Variants in CAMK2D observed in about 807,000 individuals in gnomAD.
CAMK2D encodes the protein calcium/calmodulin dependent protein kinase II delta.
CAMK2D carries 37 observed loss-of-function variants against 84.0 expected under a neutral mutation model. That is an observed-to-expected ratio of 0.44 (90% confidence interval 0.34 to 0.58). The LOEUF (loss-of-function observed/expected upper bound fraction) is 0.58, where lower values mean the gene tolerates loss of function less well. Among genes scored for constraint, CAMK2D ranks in the 20% least tolerant of loss-of-function variants. The pLI is 0.02. For missense variants in CAMK2D, 448 were observed against 652.5 expected (o/e 0.69, Z 3.41); for synonymous variants, 202 against 212.5 (o/e 0.95, Z 0.43).
At chr4:113,561,242 G>A (rs2098697045) in intron 4 of CAMK2D, among the ~76,000 whole-genome samples, 1 of 152,160 alleles carries the variant, frequency 6.6e-6, no homozygotes, top group Non-Finnish European at 1.5e-5. Flanking sequence ...CATTTTGGGA[G>A]GCCAAGGCAG....
At chr4:113,734,600 G>C (rs1318415002) in intron 2 of CAMK2D, among the ~76,000 whole-genome samples, 1 of 152,174 alleles carries the variant, frequency 6.6e-6, no homozygotes, top group African/African-American at 2.4e-5. Context: ...CAATAAGAGA[G>C]TGGGAGGTCC....
intron 8 of CAMK2D, among the ~76,000 whole-genome samples, chr4:113,526,262 A>C (rs2098416531): frequency 6.6e-6 from 1 of 152,186 alleles, no homozygotes; most frequent in Non-Finnish European, 1.5e-5. Context: ...TACATGCTCC[A>C]ACTGGGGCAA....
chr4:113,697,617 C>A (rs1345222559), intron 2 of CAMK2D, among the ~76,000 whole-genome samples: 1 of 152,062 alleles, frequency 6.6e-6, no homozygotes, highest in East Asian at 1.9e-4. Context: ...CATCTCTCAA[C>A]CCACCAATAA....
chr4:113,523,662 C>A (rs1158269925), intron 8 of CAMK2D, among the ~76,000 whole-genome samples: 4 of 151,912 alleles, frequency 2.6e-5, no homozygotes, highest in African/African-American at 9.7e-5. Context: ...GTCCCCACTA[C>A]AGGGGAGGCT....
intron 13 of CAMK2D, chr4:113,508,258 G>A (rs1487457390): frequency 9.0e-6 from 14 of 1,549,026 alleles, no homozygotes; most frequent in Non-Finnish European, 1.1e-5. Context: ...ACTCGAACTG[G>A]ACTTCCTTTT....
intron 3 of CAMK2D, among the ~76,000 whole-genome samples, chr4:113,611,046 TAACACAC>T (rs918846196): frequency 3.0e-5 from 3 of 98,700 alleles, no homozygotes; most frequent in East Asian, 3.9e-4. Context: ...TATATACACA[TAACACAC>T]ACACACACAC....
intron 2 of CAMK2D, among the ~76,000 whole-genome samples, chr4:113,738,932 T>C (rs943000759): frequency 6.6e-6 from 1 of 152,032 alleles, no homozygotes; most frequent in Non-Finnish European, 1.5e-5. Context: ...AAATAACACA[T>C]CCCAAAAATG....
At chr4:113,617,936 G>GAC (rs1171599461) in intron 3 of CAMK2D, among the ~76,000 whole-genome samples, 1 of 114,742 alleles carries the variant, frequency 8.7e-6, no homozygotes, top group African/African-American at 3.6e-5. Context: ...ACAACACACA[G>GAC]ACACACACAC....
intron 2 of CAMK2D, among the ~76,000 whole-genome samples, chr4:113,692,665 TTCATACATACATAC>T (rs1308515405): frequency 1.5e-4 from 23 of 151,988 alleles, no homozygotes; most frequent in African/African-American, 4.1e-4. Context: ...CATACATATA[TTCATACATACATAC>T]TCATACATAC....
chr4:113,648,949 A>G (rs2099162132), intron 3 of CAMK2D, among the ~76,000 whole-genome samples: 4 of 152,182 alleles, frequency 2.6e-5, no homozygotes, highest in Admixed American at 2.6e-4. Context: ...AAATCAGTGA[A>G]ATTTCTAATT....
At chr4:113,642,877 G>A (rs1222422330) in intron 3 of CAMK2D, among the ~76,000 whole-genome samples, 1 of 152,020 alleles carries the variant, frequency 6.6e-6, no homozygotes, top group Non-Finnish European at 1.5e-5. Context: ...TGCTGCACTG[G>A]AAATTATGGT....
At chr4:113,485,360 T>C (rs2097756188) in intron 16 of CAMK2D, among the ~76,000 whole-genome samples, 1 of 152,226 alleles carries the variant, frequency 6.6e-6, no homozygotes, top group Admixed American at 6.5e-5. Flanking sequence ...TGGCACTCAA[T>C]AGTCCCTCAC....
In CAMK2D at chr4:113,684,076, G is replaced by T. The variant is rs902698548; in HGVS notation, c.161-22304C>A. On this transcript the variant is annotated intron_variant, in intron 2 of 20. Transcript: ENST00000511664. ...TATATAAAAAGTTAGAACAGTGCCT[G>T]GCATATAGGAAGCAAGACAAAACTG... 2.6e-5 allele frequency among the ~76,000 whole-genome samples: 4 copies of T among 152,288 alleles called. No individual in the cohort carries two copies. In the East Asian group the frequency reaches 7.7e-4, roughly 29 times the overall value.
Position 113,601,683 on chromosome 4 carries a change from C to CTTTTTTTTTTTTTTTTTTTTTTTTT in CAMK2D, c.275+7444_275+7468dup, listed in dbSNP as rs755850795. On this transcript the variant is annotated intron_variant, in intron 4 of 20. Transcript: ENST00000511664. ...ATTTTATGTAGATTAACTGTTTATT[C>CTTTTTTTTTTTTTTTTTTTTTTTTT]TTTTTTTTTTTTTTTTTTTTTTTTT... Among the ~76,000 whole-genome samples, 23 of 45,822 alleles carry CTTTTTTTTTTTTTTTTTTTTTTTTT rather than the reference C, an allele frequency of 5.0e-4. 2 individuals carry two copies. Among genetic ancestry groups the CTTTTTTTTTTTTTTTTTTTTTTTTT allele is most frequent in the Non-Finnish European group, 6.3e-4 (16 of 25,526 alleles). The allele number at this position is 45,822 out of a possible 152,430, so 30.1% of individuals were successfully genotyped here.
intron 4 of CAMK2D, among the ~76,000 whole-genome samples, chr4:113,603,286 T>C (rs913793317): frequency 6.6e-6 from 1 of 151,666 alleles, no homozygotes; most frequent in African/African-American, 2.4e-5. Flanking sequence ...TATGTATACA[T>C]GTGCCATGTT....
intron 14 of CAMK2D, among the ~76,000 whole-genome samples, 188 bp downstream of exon 14, chr4:113,504,788 C>G: frequency 9.1e-6 from 1 of 110,256 alleles, no homozygotes; most frequent in Admixed American, 9.6e-5. Context: ...CTAACTTAAC[C>G]AAAAAAAACC....
intron 2 of CAMK2D, among the ~76,000 whole-genome samples, chr4:113,738,878 A>C (rs2148891119): frequency 6.6e-6 from 1 of 152,252 alleles, no homozygotes; most frequent in African/African-American, 2.4e-5. Flanking sequence ...ATATTTACTA[A>C]CTCACTTGGA....
chr4:113,464,468 G>T (rs919999031), intron 17 of CAMK2D, among the ~76,000 whole-genome samples: 1 of 152,100 alleles, frequency 6.6e-6, no homozygotes, highest in Non-Finnish European at 1.5e-5. Flanking sequence ...TCTCATTTAT[G>T]ATTATATCTT....
chr4:113,647,977 T>C (rs895695451), intron 3 of CAMK2D, among the ~76,000 whole-genome samples: 3 of 152,202 alleles, frequency 2.0e-5, no homozygotes, highest in African/African-American at 7.2e-5. Flanking sequence ...CTACAACTTT[T>C]AAATGAGAAA....
Sources: allele counts gnomAD v4.1 joint callset (sites outside exome capture counted in the v4.1 genomes callset), GRCh38; gene constraint gnomAD v4.1.1; transcripts MANE v1.5; gene names NCBI Gene and HGNC (gene_info 2026-07-23, HGNC 2026-07-21).